The following HM13 variants were observed in gnomAD, a reference collection of about 807,000 sequenced individuals.
HM13 encodes signal peptide peptidase.
A neutral mutation model predicts 50.0 loss-of-function variants in HM13; 18 were observed. The observed-to-expected ratio is 0.36, with a 90% CI of 0.25 to 0.53. The LOEUF is 0.53. HM13 is among the 20% of genes least tolerant of loss of function. The pLI is 0.90. For synonymous variants in HM13, 197 were observed against 232.6 expected, an observed-to-expected ratio of 0.85 and a Z score of 1.39; for missense variants, 393 against 552.4, an observed-to-expected ratio of 0.71 and a Z score of 2.89.
intron 2 of HM13, chr20:31,527,860 G>A (rs1982589364): frequency 3.2e-6 from 1 of 316,200 alleles, no homozygotes; most frequent in Non-Finnish European, 5.7e-6. Flanking sequence ...ATGGGGTATA[G>A]CTTGTGCTCA....
At chr20:31,547,616 C>T in intron 4 of HM13, 1 of 1,576,798 alleles carries the variant, frequency 6.3e-7, no homozygotes, top group Non-Finnish European at 8.6e-7. Flanking sequence ...GGTATTGAAC[C>T]ATGGCTTAAT....
At chr20:31,515,023 A>G (rs1981687406) in intron 1 of HM13, among the ~76,000 whole-genome samples, 1 of 152,096 alleles carries the variant, frequency 6.6e-6, no homozygotes, top group Admixed American at 6.6e-5. Flanking sequence ...GCGGCTGGGA[A>G]CGCTGTCAGC....
intron 1 of HM13, among the ~76,000 whole-genome samples, chr20:31,516,576 T>A (rs1981795481): frequency 6.6e-6 from 1 of 152,112 alleles, no homozygotes; most frequent in African/African-American, 2.4e-5. Flanking sequence ...AGAGGTAGAA[T>A]TTCAGCCAGG....
chr20:31,514,884 C>A lies in HM13; in HGVS notation c.183+150C>A, dbSNP rs924639273. The A allele has an allele frequency of 2.5e-5, 21 of 854,022 alleles. No homozygotes were observed. The highest frequency in any genetic ancestry group is 3.6e-5 in the Non-Finnish European group (21 of 589,346). The allele number at this position is 854,022 out of a possible 1,614,324, so 52.9% of individuals were successfully genotyped here. ...GTTCCCTCTGTCTCGGGCCCACATT[C>A]CGGGGCTGGCATTTCCTACCCCGGG... On this transcript the variant is annotated intron_variant, in intron 1 of 12. Coordinates refer to ENST00000398174, the MANE Select transcript of HM13 (RefSeq NM_178581.3). The surrounding 1 kb of genome is among the most constrained non-coding windows in gnomAD (Gnocchi z 4.3).
intron 3 of HM13, chr20:31,539,171 T>A: frequency 1.0e-6 from 1 of 985,478 alleles, no homozygotes. Flanking sequence ...AGGCCAGTTC[T>A]CCATTCTGCA....
intron 3 of HM13, among the ~76,000 whole-genome samples, chr20:31,543,707 G>A (rs577480006): frequency 1.2e-3 from 175 of 151,838 alleles, no homozygotes; most frequent in Non-Finnish European, 1.7e-3. Context: ...CGAGGTGGGC[G>A]AATCACGAGG....
chr20:31,538,452 T>C (rs1014036308), intron 3 of HM13, 191 bp downstream of exon 3: 10 of 1,434,278 alleles, frequency 7.0e-6, no homozygotes, highest in Non-Finnish European at 9.2e-6. Flanking sequence ...GGCCACAGTT[T>C]CCTTATAGAC....
At chr20:31,547,838 T>C in intron 4 of HM13, 1 of 931,414 alleles carries the variant, frequency 1.1e-6, no homozygotes, top group Non-Finnish European at 1.8e-6. Context: ...GCAAATATTA[T>C]GTGTCCAGGT....
At chr20:31,530,634 C>T (rs1274927324) in intron 2 of HM13, among the ~76,000 whole-genome samples, 1 of 152,068 alleles carries the variant, frequency 6.6e-6, no homozygotes, top group African/African-American at 2.4e-5. Flanking sequence ...TGGTCTTGAT[C>T]TCTTGACCTT....
chr20:31,519,203 G>A (rs1981998273), intron 1 of HM13, among the ~76,000 whole-genome samples: 1 of 152,210 alleles, frequency 6.6e-6, no homozygotes, highest in South Asian at 2.1e-4. Context: ...TTGGGTTCAA[G>A]CGATTCTTCT....
intron 2 of HM13, among the ~76,000 whole-genome samples, chr20:31,534,218 A>G (rs1237675228): frequency 6.6e-6 from 1 of 152,122 alleles, no homozygotes; most frequent in Admixed American, 6.6e-5. Context: ...ACACAGCCAC[A>G]GAAACTATGC....
At chr20:31,558,118 G>C (rs951955788) in intron 8 of HM13, among the ~76,000 whole-genome samples, 1 of 152,242 alleles carries the variant, frequency 6.6e-6, no homozygotes, top group Non-Finnish European at 1.5e-5. Context: ...GGACTGGTTG[G>C]CTGTGTTTTG....
In HM13 at chr20:31,558,347, G is replaced by T. The variant is rs80247452; in HGVS notation, c.809-1264G>T. Reference sequence around the variant, plus strand: ...GCCACAGGGGCCTTTTTCAAAATGTGTTTAGGTTGTTCTGCTCAGAACTCC... The same window carrying T: ...GCCACAGGGGCCTTTTTCAAAATGTTTTTAGGTTGTTCTGCTCAGAACTCC... On this transcript the variant is annotated intron_variant, in intron 8 of 12. Transcript: ENST00000398174. 9.6e-3 allele frequency among the ~76,000 whole-genome samples: 1,460 copies of T among 152,106 alleles called. 6 individuals are homozygous for T. The highest frequency in any genetic ancestry group is 0.015 in the Non-Finnish European group (1,023 of 67,992).
intron 10 of HM13, chr20:31,564,078 A>G (rs1600670719): frequency 7.3e-6 from 1 of 136,536 alleles, no homozygotes; most frequent in Admixed American, 7.3e-5. Flanking sequence ...TCTGTCTCAG[A>G]AAAAAAAAAA....
chr20:31,562,823 C>G (rs1199531442), intron 10 of HM13, among the ~76,000 whole-genome samples: 2 of 152,240 alleles, frequency 1.3e-5, no homozygotes, highest in Non-Finnish European at 2.9e-5. Context: ...GTGGAACTGC[C>G]TCTCACTTCT....
chr20:31,546,449 T>G (rs1208699861), intron 4 of HM13, among the ~76,000 whole-genome samples: 1 of 149,662 alleles, frequency 6.7e-6, no homozygotes, highest in African/African-American at 2.4e-5. Flanking sequence ...AATTGTTGAT[T>G]TTTTTTTTTT....
At chr20:31,560,848 CAGG>C (rs1568799457) in intron 9 of HM13, among the ~76,000 whole-genome samples, 1 of 152,210 alleles carries the variant, frequency 6.6e-6, no homozygotes, top group African/African-American at 2.4e-5. Flanking sequence ...TAGAAGCACC[CAGG>C]ACAAGGAGAG....
rs1392321092 is a variant in HM13, at chr20:31,563,744, C to A, written c.948+2008C>A. Among the ~76,000 whole-genome samples the A allele has an allele frequency of 2.0e-5, 3 of 152,146 alleles. No individual in the cohort carries two copies. The East Asian group carries it at 5.8e-4, about 29-fold the overall frequency. ...TAGGATCAAGGGCATGCGGGAAAGA[C>A]TTCTTTGTTCTCTGGCCAAGGGCTG... On this transcript the variant is annotated intron_variant, in intron 10 of 12. Transcript: ENST00000398174.
At chr20:31,534,305 G>A (rs370636569) in intron 2 of HM13, among the ~76,000 whole-genome samples, 11 of 152,240 alleles carry the variant, frequency 7.2e-5, no homozygotes, top group African/African-American at 2.6e-4. Flanking sequence ...CCACACAGGG[G>A]GCCATATGGG....
Sources: allele counts gnomAD v4.1 joint callset (sites outside exome capture counted in the v4.1 genomes callset), GRCh38; gene constraint gnomAD v4.1.1; non-coding constraint Gnocchi (gnomAD v3.1); transcripts MANE v1.5; gene names NCBI Gene and HGNC (gene_info 2026-07-23, HGNC 2026-07-21).